Variants in MIDN observed in about 807,000 individuals in gnomAD.
MIDN encodes midbrain nucleolar protein.
A neutral mutation model predicts 46.1 loss-of-function variants in MIDN; 26 were observed. That is an observed-to-expected ratio of 0.56 (90% CI 0.41 to 0.78). The LOEUF (loss-of-function observed/expected upper bound fraction) is 0.78, where lower values mean the gene tolerates loss of function less well. MIDN is among the 30% of genes least tolerant of loss of function. The probability of loss-of-function intolerance (pLI) is 0.00; values close to 1 mark genes in which losing one functional copy is unlikely to be tolerated. For missense variants in MIDN, 850 were observed against 771.8 expected (o/e 1.10, Z -1.20); for synonymous variants, 432 against 343.3 (o/e 1.26, Z -2.86).
rs539298970 is a variant in MIDN at position 1,255,366 on chromosome 19, C to T, written c.986-56C>T. On this transcript the variant is annotated intron_variant, in intron 7 of 8. Transcript: ENST00000682408. ...TGAGCTCACACCCGTGGACGCCCGT[C>T]CTGGACATGCGGGACTGTGCCCGTG... 47 of 1,517,584 alleles carry T rather than the reference C, an allele frequency of 3.1e-5. No homozygotes were observed. The South Asian group carries it at 5.7e-4, about 18-fold the overall frequency. 94.0% of individuals were successfully genotyped at this position (1,517,584 alleles called of 1,614,324 possible). A position where few individuals can be genotyped will look rare whatever the true frequency, so the allele number is the denominator to read the frequency against.
chr19:1,252,413 G>A (rs1004209714), intron 4 of MIDN, among the ~76,000 whole-genome samples: 5 of 128,062 alleles, frequency 3.9e-5, no homozygotes, highest in African/African-American at 5.1e-5. Context: ...TCTCTACCCC[G>A]AAAGGGGAGG....
At chr19:1,256,072 C>T (rs1395680070) in intron 8 of MIDN, among the ~76,000 whole-genome samples, 1 of 152,268 alleles carries the variant, frequency 6.6e-6, no homozygotes, top group South Asian at 2.1e-4. Flanking sequence ...CCCTGCCAGC[C>T]TGGCCCCAGC....
intron 4 of MIDN, among the ~76,000 whole-genome samples, chr19:1,252,205 G>T (rs1342295336): frequency 6.6e-6 from 1 of 152,202 alleles, no homozygotes; most frequent in African/African-American, 2.4e-5. Flanking sequence ...ACCCTGGCCT[G>T]CATCCCCAGC....
intron 2 of MIDN, among the ~76,000 whole-genome samples, chr19:1,250,942 C>T (rs1265742337): frequency 6.6e-6 from 1 of 151,946 alleles, no homozygotes; most frequent in Non-Finnish European, 1.5e-5. Context: ...CGCCTCCGAG[C>T]GCTCCCCGCA....
chr19:1,254,564 C>G (rs1382727811), intron 6 of MIDN, 86 bp downstream of exon 6: 3 of 1,401,126 alleles, frequency 2.1e-6, no homozygotes, highest in South Asian at 1.2e-5. Flanking sequence ...GACAAGGACT[C>G]TTAGTCCCAG....
At position 1,258,349 on chromosome 19, in the gene MIDN, C is replaced by G. The variant is rs2081227205; in HGVS notation, c.*1077C>G. On this transcript the variant is annotated 3_prime_UTR_variant, in exon 9 of 9. Coordinates refer to ENST00000682408, the MANE Select transcript of MIDN (RefSeq NM_001388306.1). ...TGTGAATCCCCTGGGCAGGGGGCGACAACTCCGTGTAGCATTAACCCCCGT... is the reference window on the plus strand; with the variant it reads ...TGTGAATCCCCTGGGCAGGGGGCGAGAACTCCGTGTAGCATTAACCCCCGT... 6.6e-6 allele frequency: 1 copy of G among 152,536 alleles called. No homozygotes were observed. Among genetic ancestry groups the G allele is most frequent in the Non-Finnish European group, 1.5e-5 (1 of 68,038 alleles). 9.4% of individuals were successfully genotyped at this position (152,536 alleles called of 1,614,324 possible).
intron 4 of MIDN, among the ~76,000 whole-genome samples, chr19:1,253,102 C>T (rs923206327): frequency 1.3e-5 from 2 of 151,840 alleles, no homozygotes; most frequent in Non-Finnish European, 2.9e-5. Flanking sequence ...TGCCTGGCAC[C>T]GAGTCATGCC....
At chr19:1,255,287 C>T in intron 7 of MIDN, 135 bp from the exon 8 acceptor site, 2 of 1,260,290 alleles carry the variant, frequency 1.6e-6, no homozygotes, top group Non-Finnish European at 2.1e-6. Context: ...CCGCTCCCGC[C>T]CCGTGGTCCC....
intron 8 of MIDN, among the ~76,000 whole-genome samples, chr19:1,256,679 A>G (rs2081202991): frequency 6.6e-6 from 1 of 151,992 alleles, no homozygotes; most frequent in African/African-American, 2.4e-5. Context: ...ATGCCCAGCT[A>G]ATTTTGTAAT....
chr19:1,255,156 G>A (rs1599987409), intron 7 of MIDN, 95 bp downstream of exon 7: 4 of 1,388,724 alleles, frequency 2.9e-6, no homozygotes, highest in East Asian at 2.3e-5. Context: ...ACATATTCTG[G>A]GCATACACAG....
At chr19:1,252,995 CCCT>C (rs1599980848) in intron 4 of MIDN, among the ~76,000 whole-genome samples, 1 of 151,094 alleles carries the variant, frequency 6.6e-6, no homozygotes, top group African/African-American at 2.4e-5. Flanking sequence ...TGGCTTCACA[CCCT>C]CCTCCCTGGG....
Position 1,258,008 on chromosome 19 carries a change from C to CT in MIDN, c.*739dup, listed in dbSNP as rs2081222318. ...GGTTTGGGTGCAGGGGCATGGCACCCTTTCCTGTCGGGAAGGGAGAGGGGA... is the reference window on the plus strand; with the variant it reads ...GGTTTGGGTGCAGGGGCATGGCACCCTTTTCCTGTCGGGAAGGGAGAGGGGA... On this transcript the variant is annotated 3_prime_UTR_variant, in exon 9 of 9. Coordinates refer to ENST00000682408, the MANE Select transcript of MIDN (RefSeq NM_001388306.1). 1 of 152,436 alleles carries CT rather than the reference C, an allele frequency of 6.6e-6. No homozygotes were observed. The highest frequency in any genetic ancestry group is 1.9e-4 in the East Asian group (1 of 5,202). 9.4% of individuals were successfully genotyped at this position (152,436 alleles called of 1,614,324 possible).
In MIDN at chr19:1,255,793, C is replaced by T. The variant is rs574841160; in HGVS notation, c.1258+99C>T. 192 of 1,214,580 alleles carry T rather than the reference C, an allele frequency of 1.6e-4. 1 individual carries two copies. In the South Asian group the frequency reaches 2.6e-3, roughly 17 times the overall value. 75.2% of individuals were successfully genotyped at this position (1,214,580 alleles called of 1,614,324 possible). A position where few individuals can be genotyped will look rare whatever the true frequency, so the allele number is the denominator to read the frequency against. Reference sequence around the variant, plus strand: ...TGGGCTCAGGAGCAGCTGACCTGCCCAGGGGCTGGGGGGGATGGCAGCTGC... The same window carrying T: ...TGGGCTCAGGAGCAGCTGACCTGCCTAGGGGCTGGGGGGGATGGCAGCTGC... On this transcript the variant is annotated intron_variant, in intron 8 of 8. Coordinates refer to ENST00000682408, the MANE Select transcript of MIDN (RefSeq NM_001388306.1).
rs767538314 is a variant in MIDN at position 1,257,251 on chromosome 19, G to A, written c.1515G>A (p.Lys505=). ...VWKPEVNPDI[K]SEFVVA ...AGCCAGAAGTCAACCCTGACATCAA[G>A]TCAGAGTTCGTGGTGGCTTAGGATC... The change falls in exon 9 of 9, where the codon AAG becomes AAA. Residue 505 remains lysine, a synonymous_variant. Coordinates refer to ENST00000682408, the MANE Select transcript of MIDN (RefSeq NM_001388306.1). The A allele has an allele frequency of 3.7e-6, 6 of 1,612,144 alleles. No homozygotes were observed. Among genetic ancestry groups the A allele is most frequent in the Admixed American group, 1.7e-5 (1 of 60,010 alleles).
chr19:1,251,773 C>T, intron 3 of MIDN, 66 bp from the exon 4 acceptor site: 1 of 1,554,660 alleles, frequency 6.4e-7, no homozygotes, highest in Non-Finnish European at 8.8e-7. Context: ...AGGGCCCTCT[C>T]CACCCCCTAT....
rs772368897 is a variant in MIDN at position 1,257,429 on chromosome 19, C to CT, written c.*164dup. The CT allele has an allele frequency of 3.7e-5, 23 of 626,576 alleles. No individual in the cohort carries two copies. The highest frequency in any genetic ancestry group is 2.1e-4 in the East Asian group (7 of 33,004). The allele number at this position is 626,576 out of a possible 1,614,324, so 38.8% of individuals were successfully genotyped here. On this transcript the variant is annotated 3_prime_UTR_variant, in exon 9 of 9. Transcript: ENST00000682408. ...TTTTCTTCTTTTTTATTATTTTTTT[C>CT]TTTTTTTAAAAAGTTCTGACCGTGG...
At position 1,255,551 on chromosome 19, in the gene MIDN, A is replaced by G; in HGVS notation, c.1115A>G (p.Gln372Arg). 1 of 1,611,872 alleles carries G rather than the reference A, an allele frequency of 6.2e-7. No individual in the cohort carries two copies. The highest frequency in any genetic ancestry group is 8.5e-7 in the Non-Finnish European group (1 of 1,179,574). The change falls in exon 8 of 9, where the codon CAG becomes CGG. Residue 372 changes from glutamine to arginine, a missense_variant. Gln to Arg is a conservative substitution (Grantham distance 43). Coordinates refer to ENST00000682408, the MANE Select transcript of MIDN (RefSeq NM_001388306.1). ...CAGGGCATGCCCCCTTCGCTGGCCCAGCTCCGCTGCCACGCCCAGTGCTCC... is the reference window on the plus strand; with the variant it reads ...CAGGGCATGCCCCCTTCGCTGGCCCGGCTCCGCTGCCACGCCCAGTGCTCC... ...HYQGMPPSLA[Q>R]LRCHAQCSPA...
chr19:1,255,558 C>T lies in MIDN; in HGVS notation c.1122C>T (p.Arg374=). 3.7e-6 allele frequency: 6 copies of T among 1,611,936 alleles called. No individual in the cohort carries two copies. Among genetic ancestry groups the T allele is most frequent in the Non-Finnish European group, 5.1e-6 (6 of 1,179,636 alleles). The part of the protein sequence containing the change: ...QGMPPSLAQL[R]CHAQCSPASP... ...TGCCCCCTTCGCTGGCCCAGCTCCG[C>T]TGCCACGCCCAGTGCTCCCCGGCCT... Residue 374 remains arginine (R), a synonymous_variant, in exon 8 of 9, where the codon CGC becomes CGT. Coordinates refer to ENST00000682408, the MANE Select transcript of MIDN (RefSeq NM_001388306.1).
chr19:1,251,753 G>T, intron 3 of MIDN, 86 bp from the exon 4 acceptor site: 2 of 1,515,040 alleles, frequency 1.3e-6, no homozygotes, highest in Non-Finnish European at 9.1e-7. Flanking sequence ...CCCCCACCCC[G>T]CCAGCCAGCA....
Sources: gnomAD v4.1 joint callset for allele counts (sites outside exome capture counted in the v4.1 genomes callset) on GRCh38, gnomAD v4.1.1 for gene constraint, MANE v1.5 for transcripts, NCBI Gene and HGNC (gene_info 2026-07-23, HGNC 2026-07-21) for gene names.